NHS: variants seen among roughly 807,000 people sequenced by gnomAD.
The protein encoded by NHS is NHS actin remodeling regulator, also known as actin remodeling regulator NHS.
Under a neutral mutation model 72.5 loss-of-function variants are expected in NHS, and 5 were observed. The ratio of observed to expected loss-of-function variants is 0.07; its 90% confidence interval spans 0.04 to 0.14. The LOEUF is 0.14. Ranked by LOEUF, NHS falls within the 10% of genes least tolerant of loss-of-function variation. NHS has a pLI of 1.00. For missense variants in NHS, 1,072 were observed against 1,355.7 expected (o/e 0.79, Z 3.29); for synonymous variants, 464 against 547.7 (o/e 0.85, Z 2.13).
intron 1 of NHS, among the ~76,000 whole-genome samples, chrX:17,442,093 C>T (rs894417222): frequency 2.7e-5 from 3 of 112,384 alleles, no homozygotes; most frequent in Non-Finnish European, 3.8e-5. Context: ...AAATCACTGA[C>T]ATAAACAATA....
chrX:17,392,703 G>A (rs1211205514), intron 1 of NHS, among the ~76,000 whole-genome samples: 2 of 111,862 alleles, frequency 1.8e-5, no homozygotes, highest in African/African-American at 6.5e-5. Context: ...ATTGATTTGT[G>A]ACATGCTTAA....
chrX:17,726,667 G>A lies in NHS; in HGVS notation c.2561G>A (p.Arg854His), dbSNP rs1380680385. Residue 854 changes from arginine to histidine, a missense_variant, in exon 7 of 9, where the codon CGT becomes CAT. Transcript: ENST00000676302. ...AAGGCAAAGCCGACCCCACCTAAAC[G>A]TAGCTCATCATTGAGGAAGTCTGAT... is the stretch of plus-strand genomic sequence containing the variant. ...KPKAKPTPPK[R>H]SSSLRKSDGN... The A allele has an allele frequency of 1.7e-6, 2 of 1,210,060 alleles. No homozygotes were observed. The highest frequency in any genetic ancestry group is 1.7e-5 in the African/African-American group (1 of 57,145).
chrX:17,733,141 G>T lies in NHS; in HGVS notation c.*677G>T, dbSNP rs1342921230. ...ATGAATTTTAAACTGGTGAACTAAA[G>T]GAAATCTTGAGGTCATATACTGAAA... is the stretch of plus-strand genomic sequence containing the variant. On this transcript the variant is annotated 3_prime_UTR_variant, in exon 9 of 9. Transcript: ENST00000676302. The T allele has an allele frequency of 8.8e-6, 1 of 113,095 alleles. No homozygotes were observed. Among genetic ancestry groups the T allele is most frequent in the Non-Finnish European group, 1.9e-5 (1 of 53,734 alleles). The allele number at this position is 113,095 out of a possible 1,213,427, so 9.3% of individuals were successfully genotyped here.
chrX:17,664,531 T>C (rs2066000459), intron 1 of NHS, among the ~76,000 whole-genome samples: 1 of 112,440 alleles, frequency 8.9e-6, no homozygotes, highest in Non-Finnish European at 1.9e-5. Context: ...GTGGGTCTAT[T>C]TCTGAATTCT....
intron 1 of NHS, among the ~76,000 whole-genome samples, chrX:17,502,835 C>T (rs1310987041): frequency 9.0e-6 from 1 of 110,872 alleles, no homozygotes; most frequent in Non-Finnish European, 1.9e-5. Flanking sequence ...CTAGTCTGCC[C>T]GATGCTTCTG....
At chrX:17,600,051 A>G (rs1459947824) in intron 1 of NHS, among the ~76,000 whole-genome samples, 1 of 111,709 alleles carries the variant, frequency 9.0e-6, no homozygotes, top group Non-Finnish European at 1.9e-5. Context: ...TAATATTTTA[A>G]GTCTAGGGGG....
At chrX:17,459,314 A>G (rs915664042) in intron 1 of NHS, among the ~76,000 whole-genome samples, 3 of 111,563 alleles carry the variant, frequency 2.7e-5, no homozygotes, top group Non-Finnish European at 3.8e-5. Context: ...ATCAGCATCA[A>G]TGTGGGAAAT....
chrX:17,548,340 T>C (rs892002536), intron 1 of NHS, among the ~76,000 whole-genome samples: 6 of 109,462 alleles, frequency 5.5e-5, no homozygotes, highest in African/African-American at 2.0e-4. Context: ...TGCAGATGGG[T>C]CTCACACCAG....
At chrX:17,723,726 G>GGTGTGT (rs3222310) in intron 5 of NHS, among the ~76,000 whole-genome samples, 13,121 of 70,849 alleles carry the variant, frequency 0.19, 1,184 homozygotes, top group Non-Finnish European at 0.23. Flanking sequence ...CAGCAAAAGA[G>GGTGTGT]GTGTGTGTGT....
rs552693875 is a variant in NHS, at chrX:17,559,172, G to A, written c.566-128570G>A. The stretch of plus-strand genomic sequence containing the variant: ...AGGGAAGATGCTCCAATGTATGCTA[G>A]CCTTTGAGATTTTGGCTTAGTAGAG... On this transcript the variant is annotated intron_variant, in intron 1 of 8. Coordinates refer to ENST00000676302, the MANE Select transcript of NHS (RefSeq NM_001291867.2). Among the ~76,000 whole-genome samples, 19 of 112,062 alleles carry A rather than the reference G, an allele frequency of 1.7e-4. No individual in the cohort carries two copies. In the South Asian group the frequency reaches 1.9e-3, roughly 11 times the overall value.
In NHS at chrX:17,561,572, GCGCA is replaced by G. The variant is rs1445081676; in HGVS notation, c.566-126168_566-126165del. The stretch of plus-strand genomic sequence containing the variant: ...TGCAAGTGCATGCGCGCGCGCGCGC[GCGCA>G]CACACACACACACACACACACACAC... On this transcript the variant is annotated intron_variant, in intron 1 of 8. Transcript: ENST00000676302. Among the ~76,000 whole-genome samples the G allele has an allele frequency of 4.4e-3, 268 of 60,225 alleles. 2 individuals are homozygous for G. Among genetic ancestry groups the G allele is most frequent in the South Asian group, 7.1e-3 (6 of 841 alleles). 52.3% of individuals were successfully genotyped at this position (60,225 alleles called of 115,157 possible).
At chrX:17,529,378 C>G (rs961650386) in intron 1 of NHS, among the ~76,000 whole-genome samples, 5 of 111,627 alleles carry the variant, frequency 4.5e-5, no homozygotes, top group Non-Finnish European at 9.4e-5. Context: ...CAGAAAAGTG[C>G]ATGTACATAT....
intron 1 of NHS, among the ~76,000 whole-genome samples, chrX:17,517,714 A>G (rs1164057045): frequency 1.8e-5 from 2 of 112,074 alleles, no homozygotes; most frequent in African/African-American, 6.5e-5. Context: ...GAGAGAAAGA[A>G]GAGGAGGATT....
chrX:17,681,024 T>C (rs765722008), intron 1 of NHS, among the ~76,000 whole-genome samples: 2 of 111,854 alleles, frequency 1.8e-5, no homozygotes, highest in African/African-American at 3.3e-5. Context: ...CACTAAATGC[T>C]GTCCAAGTCA....
rs1314984832 is a variant in NHS, at chrX:17,733,770, A to G, written c.*1306A>G. The G allele has an allele frequency of 8.9e-6, 1 of 112,040 alleles. No homozygotes were observed. The highest frequency in any genetic ancestry group is 1.9e-5 in the Non-Finnish European group (1 of 53,220). The allele number at this position is 112,040 out of a possible 1,213,427, so 9.2% of individuals were successfully genotyped here. ...ATGGGGAACAGCTCTGGTTCACAATACTACATACAACTGAGTTTTTGTCTG... is the reference window on the plus strand; with the variant it reads ...ATGGGGAACAGCTCTGGTTCACAATGCTACATACAACTGAGTTTTTGTCTG... On this transcript the variant is annotated 3_prime_UTR_variant, in exon 9 of 9. Coordinates refer to ENST00000676302, the MANE Select transcript of NHS (RefSeq NM_001291867.2).
intron 3 of NHS, among the ~76,000 whole-genome samples, chrX:17,706,490 AACACAC>A (rs200289537): frequency 2.0e-3 from 193 of 98,027 alleles, no homozygotes; most frequent in African/African-American, 5.2e-3. Flanking sequence ...TCAAAATAGA[AACACAC>A]ACACACACAC....
At chrX:17,541,811 C>T (rs1185672486) in intron 1 of NHS, among the ~76,000 whole-genome samples, 2 of 108,454 alleles carry the variant, frequency 1.8e-5, no homozygotes, top group Non-Finnish European at 3.8e-5. Context: ...CACACACACA[C>T]ACACTTTAGC....
intron 1 of NHS, among the ~76,000 whole-genome samples, chrX:17,466,473 C>T (rs2064871085): frequency 8.9e-6 from 1 of 112,298 alleles, no homozygotes; most frequent in Admixed American, 9.4e-5. Flanking sequence ...TCTATTTAGG[C>T]AGGCTTGAGT....
chrX:17,538,268 C>CT (rs764352813), intron 1 of NHS, among the ~76,000 whole-genome samples: 1 of 112,038 alleles, frequency 8.9e-6, no homozygotes, highest in African/African-American at 3.3e-5. Context: ...TTCCTGGACT[C>CT]TGTCAGTGTC....
Sources: gnomAD v4.1 joint callset for allele counts (sites outside exome capture counted in the v4.1 genomes callset) on GRCh38, gnomAD v4.1.1 for gene constraint, MANE v1.5 for transcripts, NCBI Gene and HGNC (gene_info 2026-07-23, HGNC 2026-07-21) for gene names.